DDX24: variants seen among roughly 807,000 people sequenced by gnomAD.
DDX24 encodes the protein DEAD-box helicase 24.
A neutral mutation model predicts 68.9 loss-of-function variants in DDX24; 24 were observed. The ratio of observed to expected loss-of-function variants is 0.35; its 90% CI spans 0.25 to 0.49. DDX24 has a LOEUF of 0.49. Ranked by LOEUF, DDX24 falls within the 20% of genes least tolerant of loss-of-function variation. The pLI is 0.99. For missense variants in DDX24, 989 were observed against 1,039.0 expected (o/e 0.95, Z 0.66); for synonymous variants, 395 against 385.2 (o/e 1.03, Z -0.30).
intron 2 of DDX24, among the ~76,000 whole-genome samples, chr14:94,070,650 A>T (rs923842554): frequency 6.6e-6 from 1 of 152,250 alleles, no homozygotes; most frequent in African/African-American, 2.4e-5. Context: ...TGATACTGGT[A>T]TAAAAATCGG....
At chr14:94,069,313 G>A (rs1213524742) in intron 2 of DDX24, among the ~76,000 whole-genome samples, 4 of 151,976 alleles carry the variant, frequency 2.6e-5, no homozygotes, top group Admixed American at 2.6e-4. Flanking sequence ...GCTTAAGTCA[G>A]GAAGAATGAG....
Position 94,079,174 on chromosome 14 carries a change from T to A in DDX24, c.569A>T (p.Asp190Val). The stretch of plus-strand genomic sequence containing the variant: ...AAACAGGTCCTTCCAAGCTGACACA[T>A]CTGCTTTCTGATCATGAACTTCAGG... ...WIPEVHDQKA[D>V]VSAWKDLFVP... is the part of the protein sequence containing the mutation. The change falls in exon 2 of 9, where the codon GAT becomes GTT. Residue 190 changes from aspartate to valine, a missense_variant. Around this residue, in one of 3 missense-constraint regions of DDX24, gnomAD observed 295 missense variants for 263.0 expected, o/e 1.12. Transcript: ENST00000621632. 1 of 1,614,226 alleles carries A rather than the reference T, an allele frequency of 6.2e-7. No individual in the cohort carries two copies.
rs34699499 is a variant in DDX24, at chr14:94,051,188, C to CACGGA, written c.*2_*3insTCCGT. 1 of 1,422,668 alleles carries CACGGA rather than the reference C, an allele frequency of 7.0e-7. No homozygotes were observed. Among genetic ancestry groups the CACGGA allele is most frequent in the South Asian group, 1.3e-5 (1 of 75,218 alleles). 88.1% of individuals were successfully genotyped at this position (1,422,668 alleles called of 1,614,324 possible). A position where few individuals can be genotyped will look rare whatever the true frequency, so the allele number is the denominator to read the frequency against. On this transcript the variant is annotated 3_prime_UTR_variant, in exon 9 of 9. Coordinates refer to ENST00000621632, the MANE Select transcript of DDX24 (RefSeq NM_020414.4). ...ATGTGCAGTCACTGACACACTTGAC[C>CACGGA]AGTTAATTTGCACTTGTACTTGGCT...
At chr14:94,065,090 G>C (rs970796860) in intron 2 of DDX24, among the ~76,000 whole-genome samples, 1 of 149,000 alleles carries the variant, frequency 6.7e-6, no homozygotes, top group African/African-American at 2.5e-5. Flanking sequence ...TTGCTCTGTC[G>C]CCAGGCTGGA....
chr14:94,073,641 A>C (rs1885877650), intron 2 of DDX24, among the ~76,000 whole-genome samples: 1 of 152,322 alleles, frequency 6.6e-6, no homozygotes, highest in East Asian at 1.9e-4. Flanking sequence ...TAGAGGATAT[A>C]ATAATAATCT....
chr14:94,055,127 T>C lies in DDX24; in HGVS notation c.2047A>G (p.Asn683Asp). The change falls in exon 7 of 9, where the codon AAT (asparagine) becomes GAT (aspartate). Residue 683 changes from asparagine (N) to aspartate (D), a missense_variant. Physicochemically the swap from Asn to Asp is conservative, Grantham distance 23. Transcript: ENST00000621632. The stretch of plus-strand genomic sequence containing the variant: ...ATGAGCATCAGACTGAGGCCTTCAT[T>C]GGTAGCTCGAGCAGTTCGACCACTT... ...HRSGRTARATNEGLSLMLIGP... is the reference protein window; with the variant it reads ...HRSGRTARATDEGLSLMLIGP... 6.2e-7 allele frequency: 1 copy of C among 1,614,180 alleles called. No homozygotes were observed. Among genetic ancestry groups the C allele is most frequent in the East Asian group, 2.2e-5 (1 of 44,888 alleles).
intron 2 of DDX24, among the ~76,000 whole-genome samples, chr14:94,065,405 A>ACACACACACAC (rs1567060057): frequency 6.6e-6 from 1 of 151,886 alleles, no homozygotes; most frequent in Non-Finnish European, 1.5e-5. Context: ...ACACACACAC[A>ACACACACACAC]AATTCAGTGC....
chr14:94,072,122 G>A (rs559577993), intron 2 of DDX24, among the ~76,000 whole-genome samples: 1 of 152,164 alleles, frequency 6.6e-6, no homozygotes, highest in Non-Finnish European at 1.5e-5. Flanking sequence ...CAGAGGAAAA[G>A]AAGTCATTAT....
chr14:94,054,208 C>G (rs1885449019), intron 7 of DDX24, among the ~76,000 whole-genome samples: 1 of 152,166 alleles, frequency 6.6e-6, no homozygotes, highest in Non-Finnish European at 1.5e-5. Context: ...CCAAGGGAAG[C>G]CTGGGTGGCT....
chr14:94,074,701 T>A (rs1885900662), intron 2 of DDX24, among the ~76,000 whole-genome samples: 1 of 152,160 alleles, frequency 6.6e-6, no homozygotes, highest in Non-Finnish European at 1.5e-5. Flanking sequence ...AAAATTCTGC[T>A]AAAGGTGTTA....
At chr14:94,069,351 G>C (rs1326268463) in intron 2 of DDX24, among the ~76,000 whole-genome samples, 1 of 152,044 alleles carries the variant, frequency 6.6e-6, no homozygotes, top group African/African-American at 2.4e-5. Flanking sequence ...ATAACAAGCA[G>C]CAAGATTGAA....
chr14:94,060,864 T>C, intron 4 of DDX24, 49 bp downstream of exon 4: 1 of 1,605,636 alleles, frequency 6.2e-7, no homozygotes, highest in Non-Finnish European at 8.5e-7. Context: ...CACCTAAGGC[T>C]CATTTCAGAA....
rs1391444415 is a variant in DDX24, at chr14:94,079,055, T to C, written c.688A>G (p.Lys230Glu). ...ALTLAPAIRDKLDILGAAETG... is the reference protein window; with the variant it reads ...ALTLAPAIRDELDILGAAETG... Reference sequence around the variant, plus strand: ...TCAGCAGCCCCAAGGATGTCCAGTTTGTCACGGATGGCAGGTGCCAAGGTC... The same window carrying C: ...TCAGCAGCCCCAAGGATGTCCAGTTCGTCACGGATGGCAGGTGCCAAGGTC... The change falls in exon 2 of 9, where the codon AAA becomes GAA. Residue 230 changes from lysine to glutamate, a missense_variant. By Grantham distance (56) the Lys-to-Glu change is moderately conservative (BLOSUM62 1). Around this residue, in one of 3 missense-constraint regions of DDX24, gnomAD observed 295 missense variants for 263.0 expected, o/e 1.12. Coordinates refer to ENST00000621632, the MANE Select transcript of DDX24 (RefSeq NM_020414.4). 1 of 1,614,064 alleles carries C rather than the reference T, an allele frequency of 6.2e-7. No homozygotes were observed. The highest frequency in any genetic ancestry group is 8.5e-7 in the Non-Finnish European group (1 of 1,179,970).
intron 2 of DDX24, 165 bp downstream of exon 2, chr14:94,078,860 G>A (rs1777634496): frequency 1.4e-6 from 1 of 706,652 alleles, no homozygotes; most frequent in African/African-American, 1.8e-5. Context: ...TACCATTCAA[G>A]AAGAGCATAT....
intron 6 of DDX24, chr14:94,056,211 T>C (rs1412799254): frequency 6.6e-6 from 1 of 152,230 alleles, no homozygotes; most frequent in East Asian, 1.9e-4. Flanking sequence ...TATTTGCTCT[T>C]CATCCTGTTT....
rs1228158973 is a variant in DDX24 at position 94,062,478 on chromosome 14, G to A, written c.862C>T (p.Pro288Ser). 3 of 1,614,062 alleles carry A rather than the reference G, an allele frequency of 1.9e-6. No homozygotes were observed. Among genetic ancestry groups the A allele is most frequent in the Admixed American group, 3.3e-5 (2 of 60,006 alleles). Reference protein sequence around the residue: ...RTEAGAETRSPGKAEAESDAL... With the variant: ...RTEAGAETRSSGKAEAESDAL... ...TCAGACTCAGCTTCAGCCTTGCCTG[G>A]TGATCTAGTCTCAGCTCCGGCCTCA... is the stretch of plus-strand genomic sequence containing the variant. The change falls in exon 3 of 9, where the codon CCA (proline) becomes TCA (serine). Residue 288 changes from proline (P) to serine (S), a missense_variant. Around this residue, in one of 3 missense-constraint regions of DDX24, gnomAD observed 691 missense variants for 760.0 expected, o/e 0.91. Coordinates refer to ENST00000621632, the MANE Select transcript of DDX24 (RefSeq NM_020414.4).
At chr14:94,054,194 G>C (rs1009033523) in intron 7 of DDX24, among the ~76,000 whole-genome samples, 13 of 152,226 alleles carry the variant, frequency 8.5e-5, no homozygotes, top group Admixed American at 1.3e-4. Flanking sequence ...TGTGGGGAAA[G>C]AAACCAAGGG....
Position 94,051,312 on chromosome 14 carries a change from A to C in DDX24, c.2459T>G (p.Val820Gly), listed in dbSNP as rs1295529017. ...AGACTCGCTCTTACTTGGGGCAGAC[A>C]CAAGCAGGGGCGGCTTGCCAGACTG... ...PTQSGKPPLL[V>G]SAPSKSESAL... The change falls in exon 9 of 9, where the codon GTG becomes GGG. Residue 820 changes from valine (V) to glycine (G), a missense_variant. This residue lies in a region of DDX24 where 691 missense variants were observed against 760.0 expected (regional missense o/e 0.91). Coordinates refer to ENST00000621632, the MANE Select transcript of DDX24 (RefSeq NM_020414.4). 1 of 1,613,232 alleles carries C rather than the reference A, an allele frequency of 6.2e-7. No individual in the cohort carries two copies. The highest frequency in any genetic ancestry group is 1.1e-5 in the South Asian group (1 of 90,952).
At chr14:94,077,787 G>A (rs1410221957) in intron 2 of DDX24, among the ~76,000 whole-genome samples, 6 of 151,592 alleles carry the variant, frequency 4.0e-5, no homozygotes, top group Admixed American at 1.3e-4. Flanking sequence ...CCCAAAGCAC[G>A]TGTCTACTGA....
Sources: allele counts gnomAD v4.1 joint callset (sites outside exome capture counted in the v4.1 genomes callset), GRCh38; gene constraint gnomAD v4.1.1; regional missense constraint gnomAD v4.1.1; transcripts MANE v1.5; gene names NCBI Gene and HGNC (gene_info 2026-07-23, HGNC 2026-07-21).